The following UBE2C variants were observed in gnomAD, a reference collection of about 807,000 sequenced individuals.
UBE2C encodes ubiquitin conjugating enzyme E2 C, also known as ubiquitin-conjugating enzyme E2 C.
Under a neutral mutation model 23.5 loss-of-function variants are expected in UBE2C, and 16 were observed. The observed-to-expected ratio is 0.68, with a 90% CI of 0.46 to 1.03. UBE2C has a LOEUF of 1.03. Ranked by LOEUF, UBE2C falls within the 50% of genes least tolerant of loss-of-function variation. The probability of loss-of-function intolerance (pLI) is 0.00; values close to 1 mark genes in which losing one functional copy is unlikely to be tolerated. For missense variants in UBE2C, 192 were observed against 227.6 expected (o/e 0.84, Z 1.01); for synonymous variants, 76 against 91.6 (o/e 0.83, Z 0.97).
At chr20:45,813,594 C>A in intron 2 of UBE2C, 130 bp downstream of exon 2, 1 of 1,122,522 alleles carries the variant, frequency 8.9e-7, no homozygotes, top group East Asian at 2.4e-5. Context: ...GTTCATACAC[C>A]CCACCTACAC....
chr20:45,815,262 T>G (rs1982394997), intron 3 of UBE2C: 1 of 911,068 alleles, frequency 1.1e-6, no homozygotes, highest in Admixed American at 2.7e-5. Context: ...CTCACACCTG[T>G]AATCTCAGCA....
In UBE2C at chr20:45,812,899, G is replaced by A. The variant is rs563555343; in HGVS notation, c.101+103G>A. ...ACCCCCCGCCGCCACCTCCTGGAGC[G>A]GGAGATCTGCGGGTGCAGGAGAACA... On this transcript the variant is annotated intron_variant, in intron 1 of 5. Coordinates refer to ENST00000356455, the MANE Select transcript of UBE2C (RefSeq NM_007019.4). 456 of 1,451,620 alleles carry A rather than the reference G, an allele frequency of 3.1e-4. 1 individual carries two copies. The highest frequency in any genetic ancestry group is 2.3e-4 in the Admixed American group (9 of 39,580). 89.9% of individuals were successfully genotyped at this position (1,451,620 alleles called of 1,614,324 possible). A position where few individuals can be genotyped will look rare whatever the true frequency, so the allele number is the denominator to read the frequency against.
rs3080107 is a variant in UBE2C at position 45,814,271 on chromosome 20, C to CATATATATATATATATATATAT, written c.130-105_130-84dup. 7.1e-4 allele frequency: 277 copies of CATATATATATATATATATATAT among 391,424 alleles called. 8 individuals carry two copies. The highest frequency in any genetic ancestry group is 2.6e-3 in the African/African-American group (103 of 39,792). 24.2% of individuals were successfully genotyped at this position (391,424 alleles called of 1,614,324 possible). On this transcript the variant is annotated intron_variant, in intron 2 of 5. Coordinates refer to ENST00000356455, the MANE Select transcript of UBE2C (RefSeq NM_007019.4). ...ATATATGTGTGTGTGTGTATGTGAGCATATATATATATATATATATATATA... is the reference window on the plus strand; with the variant it reads ...ATATATGTGTGTGTGTGTATGTGAGCATATATATATATATATATATATATATATATATATATATATATATATA...
chr20:45,816,017 G>A, intron 5 of UBE2C, 104 bp downstream of exon 5: 2 of 1,287,148 alleles, frequency 1.6e-6, no homozygotes, highest in Non-Finnish European at 2.2e-6. Context: ...GGTTGGGGCA[G>A]GGTGGAGTGT....
rs944640681 is a variant in UBE2C at position 45,813,381 on chromosome 20, G to T, written c.102-56G>T. 8 of 1,613,854 alleles carry T rather than the reference G, an allele frequency of 5.0e-6. No homozygotes were observed. In the Admixed American group the frequency reaches 1.3e-4, roughly 27 times the overall value. ...AGATTCAGGTGGGAGAAGATGCACCGTCTGGAGGCCTGGCCCATCCAGACT... is the reference window on the plus strand; with the variant it reads ...AGATTCAGGTGGGAGAAGATGCACCTTCTGGAGGCCTGGCCCATCCAGACT... On this transcript the variant is annotated intron_variant, in intron 1 of 5. Coordinates refer to ENST00000356455, the MANE Select transcript of UBE2C (RefSeq NM_007019.4).
intron 1 of UBE2C, chr20:45,813,203 C>T: frequency 7.0e-7 from 1 of 1,432,370 alleles, no homozygotes; most frequent in Non-Finnish European, 9.1e-7. Flanking sequence ...ATGCTAAAGC[C>T]TGGGGAATTA....
At chr20:45,812,923 C>G in intron 1 of UBE2C, 127 bp downstream of exon 1, 2 of 1,438,322 alleles carry the variant, frequency 1.4e-6, no homozygotes, top group Non-Finnish European at 1.8e-6. Context: ...TGCAGGAGAA[C>G]ACACCAGGAG....
intron 2 of UBE2C, 93 bp from the exon 3 acceptor site, chr20:45,814,291 T>C (rs1384600248): frequency 6.6e-6 from 2 of 301,468 alleles, no homozygotes; most frequent in East Asian, 8.0e-5. Context: ...TATATATATA[T>C]ATATATATAA....
Position 45,815,765 on chromosome 20 carries a change from CT to C in UBE2C, c.421+21del. 6.2e-7 allele frequency: 1 copy of C among 1,611,890 alleles called. No individual in the cohort carries two copies. The highest frequency in any genetic ancestry group is 8.5e-7 in the Non-Finnish European group (1 of 1,178,320). On this transcript the variant is annotated intron_variant, in intron 4 of 5. Transcript: ENST00000356455. Reference sequence around the variant, plus strand: ...TAGGAGGTGACTTTAGAGACCACCCCTCCCCTCCATGCAACTTGGGAACCTG... The same window carrying C: ...TAGGAGGTGACTTTAGAGACCACCCCCCCCTCCATGCAACTTGGGAACCTG...
rs201975630 is a variant in UBE2C, at chr20:45,812,672, T to G, written c.-24T>G. The G allele has an allele frequency of 3.0e-3, 4,635 of 1,550,650 alleles. 12 individuals carry two copies. Among genetic ancestry groups the G allele is most frequent in the Middle Eastern group, 5.2e-3 (31 of 5,984 alleles). On this transcript the variant is annotated 5_prime_UTR_variant, in exon 1 of 6. Transcript: ENST00000356455. ...GTTGCAGTCGTGTTCTCCGAGTTCC[T>G]GTCTCTCTGCCAACGCCGCCCGGAT...
chr20:45,812,798 T>A lies in UBE2C; in HGVS notation c.101+2T>A. 6.4e-7 allele frequency: 1 copy of A among 1,554,268 alleles called. No homozygotes were observed. On this transcript the variant is annotated splice_donor_variant, in intron 1 of 5. Coordinates refer to ENST00000356455, the MANE Select transcript of UBE2C (RefSeq NM_007019.4). LOFTEE classifies it high-confidence loss of function. Reference sequence around the variant, plus strand: ...CGCCCGGGGTCCGGTGGGCAAAAGGTGAGTGATGCGGCCTACCACTCGCCG... The same window carrying A: ...CGCCCGGGGTCCGGTGGGCAAAAGGAGAGTGATGCGGCCTACCACTCGCCG...
chr20:45,813,350 C>T lies in UBE2C; in HGVS notation c.102-87C>T, dbSNP rs191010069. 30 of 1,611,576 alleles carry T rather than the reference C, an allele frequency of 1.9e-5. No individual in the cohort carries two copies. In the African/African-American group the frequency reaches 3.7e-4, roughly 20 times the overall value. On this transcript the variant is annotated intron_variant, in intron 1 of 5. Transcript: ENST00000356455. ...ATGTGGGGAGCCTCCATGACGGCTC[C>T]CCCTGAGATTCAGGTGGGAGAAGAT...
chr20:45,814,292 A>ATATATATATATATATATATATATG (rs1982267775), intron 2 of UBE2C, 92 bp from the exon 3 acceptor site: 2 of 316,694 alleles, frequency 6.3e-6, no homozygotes, highest in African/African-American at 7.6e-5. Context: ...ATATATATAT[A>ATATATATATATATATATATATATG]TATATATAAA....
Position 45,815,880 on chromosome 20 carries a change from A to C in UBE2C, c.448A>C (p.Thr150Pro). The C allele has an allele frequency of 6.2e-7, 1 of 1,614,024 alleles. No homozygotes were observed. Among genetic ancestry groups the C allele is most frequent in the African/African-American group, 1.3e-5 (1 of 74,966 alleles). The stretch of plus-strand genomic sequence containing the variant: ...ACCCAACATTGATAGTCCCTTGAAC[A>C]CACATGCTGCCGAGCTCTGGAAAAA... ...GEPNIDSPLNTHAAELWKNPT... is the reference protein window; with the variant it reads ...GEPNIDSPLNPHAAELWKNPT... The change falls in exon 5 of 6, where the codon ACA becomes CCA. Residue 150 changes from threonine (T) to proline (P), a missense_variant. By Grantham distance (38) the Thr-to-Pro change is conservative. Coordinates refer to ENST00000356455, the MANE Select transcript of UBE2C (RefSeq NM_007019.4).
chr20:45,815,942 G>A, intron 5 of UBE2C, 29 bp downstream of exon 5: 1 of 1,611,982 alleles, frequency 6.2e-7, no homozygotes, highest in African/African-American at 1.3e-5. Flanking sequence ...AGCCCAGGGT[G>A]ATCCCTCCCC....
chr20:45,814,592 T>A, intron 3 of UBE2C, 122 bp downstream of exon 3: 1 of 693,582 alleles, frequency 1.4e-6, no homozygotes, highest in Non-Finnish European at 2.3e-6. Flanking sequence ...GTTTACATTC[T>A]CTGAGCCATG....
chr20:45,816,842 G>A lies in UBE2C; in HGVS notation c.*75G>A, dbSNP rs1982615675. On this transcript the variant is annotated 3_prime_UTR_variant, in exon 6 of 6. Coordinates refer to ENST00000356455, the MANE Select transcript of UBE2C (RefSeq NM_007019.4). ...ATGGTCTGTCCTTTTTGTGATTTCT[G>A]TATAGGACTCTTTATCTTGAGCTGT... is the stretch of plus-strand genomic sequence containing the variant. 2 of 1,285,508 alleles carry A rather than the reference G, an allele frequency of 1.6e-6. No individual in the cohort carries two copies. Among genetic ancestry groups the A allele is most frequent in the Non-Finnish European group, 2.2e-6 (2 of 911,560 alleles). 79.6% of individuals were successfully genotyped at this position (1,285,508 alleles called of 1,614,324 possible).
At position 45,812,657 on chromosome 20, in the gene UBE2C, T is replaced by A. The variant is rs1276665897; in HGVS notation, c.-39T>A. The A allele has an allele frequency of 1.3e-6, 2 of 1,548,976 alleles. No homozygotes were observed. Among genetic ancestry groups the A allele is most frequent in the South Asian group, 1.2e-5 (1 of 84,032 alleles). On this transcript the variant is annotated 5_prime_UTR_variant, in exon 1 of 6. Coordinates refer to ENST00000356455, the MANE Select transcript of UBE2C (RefSeq NM_007019.4). ...GCCCGCAGTCCTGCAGTTGCAGTCG[T>A]GTTCTCCGAGTTCCTGTCTCTCTGC...
rs770662819 is a variant in UBE2C at position 45,815,757 on chromosome 20, G to A, written c.421+12G>A. 7 of 1,611,998 alleles carry A rather than the reference G, an allele frequency of 4.3e-6. No individual in the cohort carries two copies. The African/African-American group carries it at 8.0e-5, about 18-fold the overall frequency. On this transcript the variant is annotated intron_variant, in intron 4 of 5. Transcript: ENST00000356455. ...GAGCCTTCTAGGAGGTGACTTTAGA[G>A]ACCACCCCTCCCCTCCATGCAACTT...
Sources: gnomAD v4.1 joint callset for allele counts on GRCh38, gnomAD v4.1.1 for gene constraint, MANE v1.5 for transcripts, NCBI Gene and HGNC (gene_info 2026-07-23, HGNC 2026-07-21) for gene names.